The following XNDC1N variants were observed in gnomAD, a reference collection of about 807,000 sequenced individuals.
The protein encoded by XNDC1N is XRCC1 N-terminal domain containing 1, N-terminal like, also known as protein XNDC1N.
the XNDC1N span, chr11:71,917,296 G>C: frequency 1.5e-6 from 1 of 677,176 alleles, no homozygotes; most frequent in Non-Finnish European, 2.7e-6. Context: ...TTACAGGCAT[G>C]AGCCACCACG....
At chr11:71,912,146 C>A in the XNDC1N span, among the ~76,000 whole-genome samples, 2 of 152,172 alleles carry the variant, frequency 1.3e-5, no homozygotes, top group Non-Finnish European at 2.9e-5. Flanking sequence ...GGTGAGGCAG[C>A]GGTGTGTTAC....
At chr11:71,904,165 G>A in the XNDC1N span, 1 of 438,420 alleles carries the variant, frequency 2.3e-6, no homozygotes, top group South Asian at 1.6e-5. Context: ...TGTAGGATGG[G>A]TTAAAAAAGG....
the XNDC1N span, among the ~76,000 whole-genome samples, chr11:71,908,184 A>G: frequency 6.6e-6 from 1 of 151,738 alleles, no homozygotes; most frequent in Admixed American, 6.5e-5. Flanking sequence ...AATATGAATG[A>G]CCGATATTAA....
At chr11:71,886,257 C>T in the XNDC1N span, among the ~76,000 whole-genome samples, 15 of 152,102 alleles carry the variant, frequency 9.9e-5, no homozygotes, top group Admixed American at 7.9e-4. Flanking sequence ...TTATCCAGAC[C>T]CACAACCCCA....
At chr11:71,895,015 T>G in the XNDC1N span, among the ~76,000 whole-genome samples, 14 of 152,300 alleles carry the variant, frequency 9.2e-5, no homozygotes, top group East Asian at 2.7e-3. Context: ...CATTCTTCAA[T>G]CTTGGCTTTG....
the XNDC1N span, among the ~76,000 whole-genome samples, chr11:71,905,863 C>T: frequency 1.3e-5 from 2 of 151,982 alleles, no homozygotes; most frequent in African/African-American, 2.4e-5. Context: ...TGGGTGTAGC[C>T]CATGTATGTA....
At chr11:71,902,904 T>C in the XNDC1N span, among the ~76,000 whole-genome samples, 1 of 152,242 alleles carries the variant, frequency 6.6e-6, no homozygotes, top group Non-Finnish European at 1.5e-5. Flanking sequence ...TACGAATTTG[T>C]TATATATGAC....
At chr11:71,901,577 C>A in the XNDC1N span, among the ~76,000 whole-genome samples, 4 of 151,904 alleles carry the variant, frequency 2.6e-5, no homozygotes, top group Non-Finnish European at 4.4e-5. Context: ...CCAGCCTGGG[C>A]AACAGAACGA....
At chr11:71,875,628 T>TA in the XNDC1N span, among the ~76,000 whole-genome samples, 65 of 147,960 alleles carry the variant, frequency 4.4e-4, no homozygotes, top group African/African-American at 5.7e-4. Context: ...AAGCATTCAT[T>TA]AAAAAAAAAA....
chr11:71,890,346 G>C, the XNDC1N span, among the ~76,000 whole-genome samples: 1 of 152,000 alleles, frequency 6.6e-6, no homozygotes, highest in East Asian at 1.9e-4. Flanking sequence ...GTCATCCTGC[G>C]CCTCCCTGGA....
chr11:71,898,707 G>A, the XNDC1N span, among the ~76,000 whole-genome samples: 3 of 152,194 alleles, frequency 2.0e-5, no homozygotes, highest in East Asian at 5.8e-4. Flanking sequence ...GCCCCCAGGG[G>A]TGGGCGAGAA....
At chr11:71,885,637 T>C in the XNDC1N span, among the ~76,000 whole-genome samples, 131 of 152,244 alleles carry the variant, frequency 8.6e-4, 1 homozygote, top group African/African-American at 3.1e-3. Flanking sequence ...AGGAGCAATA[T>C]CACAGGTGGG....
At chr11:71,872,487 G>A in the XNDC1N span, among the ~76,000 whole-genome samples, 1 of 152,100 alleles carries the variant, frequency 6.6e-6, no homozygotes, top group Non-Finnish European at 1.5e-5. Context: ...ACTTTGGGAG[G>A]CCGAGGCGGG....
the XNDC1N span, chr11:71,893,431 A>C: frequency 4.6e-5 from 33 of 712,846 alleles, no homozygotes; most frequent in African/African-American, 5.6e-4. Context: ...TTATTTTTCC[A>C]ATCCTCTTTC....
the XNDC1N span, among the ~76,000 whole-genome samples, chr11:71,905,423 C>G: frequency 1.3e-5 from 2 of 151,902 alleles, no homozygotes; most frequent in Non-Finnish European, 2.9e-5. Flanking sequence ...GTAACACCCC[C>G]CCTAGAATAT....
At chr11:71,913,294 TG>T in the XNDC1N span, among the ~76,000 whole-genome samples, 136 of 151,744 alleles carry the variant, frequency 9.0e-4, 1 homozygote, top group Middle Eastern at 6.8e-3. Context: ...TCTCTCCCTC[TG>T]AAAATAGGAA....
chr11:71,882,048 G>A, the XNDC1N span, among the ~76,000 whole-genome samples: 1 of 151,716 alleles, frequency 6.6e-6, no homozygotes, highest in Non-Finnish European at 1.5e-5. Context: ...TTAAACATAG[G>A]CATATTATAT....
At chr11:71,895,617 G>A in the XNDC1N span, among the ~76,000 whole-genome samples, 5 of 151,956 alleles carry the variant, frequency 3.3e-5, no homozygotes, top group Non-Finnish European at 5.9e-5. Flanking sequence ...ATGCGCGACC[G>A]CGCCCAGCCA....
the XNDC1N span, among the ~76,000 whole-genome samples, chr11:71,915,202 A>G: frequency 2.0e-5 from 3 of 152,126 alleles, no homozygotes; most frequent in Non-Finnish European, 4.4e-5. Flanking sequence ...TAATCCCAGC[A>G]CTTTGGGAGG....
Sources: allele counts gnomAD v4.1 joint callset (sites outside exome capture counted in the v4.1 genomes callset), GRCh38; gene constraint gnomAD v4.1.1; transcripts MANE v1.5; gene names NCBI Gene and HGNC (gene_info 2026-07-23, HGNC 2026-07-21).